Variants in LMO4 observed in about 807,000 individuals in gnomAD.
LMO4 encodes the protein LIM domain transcription factor LMO4.
A neutral mutation model predicts 18.5 loss-of-function variants in LMO4; 3 were observed. That is an observed-to-expected ratio of 0.16 (90% CI 0.07 to 0.42). LMO4 has a LOEUF of 0.42. Among genes scored for constraint, LMO4 ranks in the 10% least tolerant of loss-of-function variants. The pLI is 0.99. For missense variants in LMO4, 121 were observed against 219.9 expected (o/e 0.55, Z 2.84); for synonymous variants, 100 against 88.1 (o/e 1.14, Z -0.76).
intron 4 of LMO4, among the ~76,000 whole-genome samples, chr1:87,343,156 C>A (rs1650540599): frequency 6.6e-6 from 1 of 152,170 alleles, no homozygotes; most frequent in South Asian, 2.1e-4. Context: ...AAAACATAGG[C>A]CCCCATTGTC....
Position 87,346,354 on chromosome 1 carries a change from A to T in LMO4, c.*1558A>T, listed in dbSNP as rs1650626654. ...CAGTATAACAGCTAGTGCTGGAAGG[A>T]GGAAAACCAAATAGGCCTGGAGGCT... On this transcript the variant is annotated 3_prime_UTR_variant, in exon 5 of 5. Coordinates refer to ENST00000370544, the MANE Select transcript of LMO4 (RefSeq NM_006769.4). The T allele has an allele frequency of 6.6e-6, 1 of 152,242 alleles. No homozygotes were observed. 9.4% of individuals were successfully genotyped at this position (152,242 alleles called of 1,614,324 possible).
intron 1 of LMO4, among the ~76,000 whole-genome samples, chr1:87,330,665 C>T (rs1248476299): frequency 6.6e-6 from 1 of 152,092 alleles, no homozygotes; most frequent in Non-Finnish European, 1.5e-5. Flanking sequence ...CCAAGTTGGG[C>T]CGGGTACAGG....
chr1:87,344,287 A>G (rs1455995710), intron 4 of LMO4, among the ~76,000 whole-genome samples: 1 of 152,202 alleles, frequency 6.6e-6, no homozygotes, highest in Non-Finnish European at 1.5e-5. Flanking sequence ...TCCCATATGT[A>G]TTATGTAATT....
chr1:87,342,762 C>G (rs1557616735), intron 4 of LMO4, among the ~76,000 whole-genome samples: 1 of 152,058 alleles, frequency 6.6e-6, no homozygotes, highest in Non-Finnish European at 1.5e-5. Flanking sequence ...TTTGGGCAAG[C>G]TGAACGTGGT....
chr1:87,331,563 CGGCGGGGGCTGGGGAGGGGCCG>C (rs1024295162), intron 1 of LMO4: 1 of 176,104 alleles, frequency 5.7e-6, no homozygotes, highest in African/African-American at 2.4e-5. Flanking sequence ...TCCCGGGGCC[CGGCGGGGGCTGGGGAGGGGCCG>C]GGCGCGGCGG....
At chr1:87,341,009 T>G (rs747465932) in intron 4 of LMO4, among the ~76,000 whole-genome samples, 2 of 152,202 alleles carry the variant, frequency 1.3e-5, no homozygotes, top group Non-Finnish European at 2.9e-5. Context: ...TATTTTAATC[T>G]CCTTAATAAG....
At chr1:87,333,732 CT>C (rs2100775469) in intron 2 of LMO4, among the ~76,000 whole-genome samples, 1 of 152,254 alleles carries the variant, frequency 6.6e-6, no homozygotes, top group East Asian at 1.9e-4. Flanking sequence ...ACTAAGTGTT[CT>C]TTTAGAAGTA....
rs1474953043 is a variant in LMO4, at chr1:87,332,141, T to C, written c.126T>C (p.Tyr42=). The C allele has an allele frequency of 1.2e-6, 2 of 1,614,090 alleles. No homozygotes were observed. The highest frequency in any genetic ancestry group is 1.7e-6 in the Non-Finnish European group (2 of 1,180,022). The change falls in exon 2 of 5, where the codon TAT becomes TAC. Residue 42 remains tyrosine (Y), a synonymous_variant. Coordinates refer to ENST00000370544, the MANE Select transcript of LMO4 (RefSeq NM_006769.4). ...TTCTGCTCTATGCCATGGACAGCTA[T>C]TGGCACAGCCGGTGCCTCAAGTGCT... is the stretch of plus-strand genomic sequence containing the variant. ...DRFLLYAMDS[Y]WHSRCLKCSC...
intron 4 of LMO4, among the ~76,000 whole-genome samples, chr1:87,340,660 A>C (rs143168705): frequency 2.3e-3 from 345 of 152,320 alleles, no homozygotes; most frequent in African/African-American, 7.8e-3. Context: ...TTCCAAACCC[A>C]ATTTACAATT....
intron 2 of LMO4, among the ~76,000 whole-genome samples, chr1:87,333,954 A>C (rs976178139): frequency 5.3e-5 from 8 of 151,928 alleles, no homozygotes; most frequent in African/African-American, 1.9e-4. Context: ...AAAAAAAAAA[A>C]ACAAAAAACA....
chr1:87,331,055 C>G (rs1431202341), intron 1 of LMO4, among the ~76,000 whole-genome samples: 7 of 24,058 alleles, frequency 2.9e-4, no homozygotes, highest in Non-Finnish European at 9.3e-4. Flanking sequence ...TTATCTGTAA[C>G]GCCGCCCGCC....
chr1:87,332,081 G>A lies in LMO4; in HGVS notation c.66G>A (p.Arg22=). ...CGGCCGGCTCCCTCTCCTGGAAGCG[G>A]TGCGCAGGCTGCGGGGGCAAGATTG... ...PVTAGSLSWK[R]CAGCGGKIAD... The change falls in exon 2 of 5, where the codon CGG becomes CGA. Residue 22 remains arginine (R), a synonymous_variant. Coordinates refer to ENST00000370544, the MANE Select transcript of LMO4 (RefSeq NM_006769.4). 1.9e-6 allele frequency: 3 copies of A among 1,613,860 alleles called. No homozygotes were observed. The highest frequency in any genetic ancestry group is 2.5e-6 in the Non-Finnish European group (3 of 1,180,030).
At chr1:87,342,466 A>G (rs1313984532) in intron 4 of LMO4, among the ~76,000 whole-genome samples, 1 of 152,120 alleles carries the variant, frequency 6.6e-6, no homozygotes, top group Non-Finnish European at 1.5e-5. Flanking sequence ...TCATTTTGGA[A>G]CACTATATTT....
In LMO4 at chr1:87,331,794, C is replaced by G. The variant is rs1036385046; in HGVS notation, c.-3-219C>G. ...GGAAAGTTGAGAGGAGCTCGTGGCC[C>G]CAGAACAAAGCTTGAGAAAAGTAAA... On this transcript the variant is annotated intron_variant, in intron 1 of 4. Transcript: ENST00000370544. The G allele has an allele frequency of 1.6e-5, 9 of 572,422 alleles. No homozygotes were observed. In the African/African-American group the frequency reaches 1.7e-4, roughly 11 times the overall value. The allele number at this position is 572,422 out of a possible 1,614,324, so 35.5% of individuals were successfully genotyped here. A position where few individuals can be genotyped will look rare whatever the true frequency, so the allele number is the denominator to read the frequency against.
intron 2 of LMO4, among the ~76,000 whole-genome samples, chr1:87,339,019 G>A (rs1038437418): frequency 2.6e-5 from 4 of 152,170 alleles, no homozygotes; most frequent in Non-Finnish European, 2.9e-5. Flanking sequence ...ATATCAACCT[G>A]GATAGCAGAG....
At chr1:87,337,412 T>A (rs2100561628) in intron 2 of LMO4, among the ~76,000 whole-genome samples, 1 of 152,354 alleles carries the variant, frequency 6.6e-6, no homozygotes, top group East Asian at 1.9e-4. Flanking sequence ...TTAGGCTGAG[T>A]AATCAGATGG....
intron 2 of LMO4, among the ~76,000 whole-genome samples, chr1:87,336,287 T>C (rs997213295): frequency 2.0e-5 from 3 of 152,240 alleles, no homozygotes; most frequent in African/African-American, 4.8e-5. Flanking sequence ...GTTGCTGATA[T>C]TTACTTGCAG....
intron 1 of LMO4, 163 bp from the exon 2 acceptor site, chr1:87,331,850 T>TAGTGTAGA: frequency 3.4e-6 from 2 of 596,230 alleles, no homozygotes; most frequent in Admixed American, 3.1e-5. Context: ...GCCTCCCTTC[T>TAGTGTAGA]TCCCTCTCCC....
chr1:87,333,857 AAG>A (rs1650219761), intron 2 of LMO4, among the ~76,000 whole-genome samples: 1 of 152,018 alleles, frequency 6.6e-6, no homozygotes, highest in Non-Finnish European at 1.5e-5. Flanking sequence ...TGTGGTAAGA[AAG>A]GAGTGTGGTT....
Sources: allele counts gnomAD v4.1 joint callset (sites outside exome capture counted in the v4.1 genomes callset), GRCh38; gene constraint gnomAD v4.1.1; transcripts MANE v1.5; gene names NCBI Gene and HGNC (gene_info 2026-07-23, HGNC 2026-07-21).